PARP8: variants seen among roughly 807,000 people sequenced by gnomAD.
The protein encoded by PARP8 is poly(ADP-ribose) polymerase family member 8.
PARP8 carries 51 observed loss-of-function variants against 124.1 expected under a neutral mutation model. That is an observed-to-expected ratio of 0.41 (90% confidence interval 0.33 to 0.52). The LOEUF is 0.52. Among genes scored for constraint, PARP8 ranks in the 20% least tolerant of loss-of-function variants. The probability of loss-of-function intolerance (pLI) is 0.21; values close to 1 mark genes in which losing one functional copy is unlikely to be tolerated. For missense variants in PARP8, 860 were observed against 1,018.9 expected (o/e 0.84, Z 2.12); for synonymous variants, 391 against 361.5 (o/e 1.08, Z -0.93).
intron 7 of PARP8, among the ~76,000 whole-genome samples, chr5:50,774,604 C>T (rs539438690): frequency 7.0e-6 from 1 of 141,970 alleles, no homozygotes; most frequent in Non-Finnish European, 1.5e-5. Flanking sequence ...GACAGGGCGG[C>T]CGGGCAGAGG....
intron 12 of PARP8, 85 bp downstream of exon 12, chr5:50,795,502 AAAG>A (rs778846434): frequency 2.7e-4 from 303 of 1,112,222 alleles, no homozygotes; most frequent in Non-Finnish European, 3.6e-4. Context: ...CTGGTGGAGA[AAAG>A]AAGCAAAACT....
rs559476119 is a variant in PARP8, at chr5:50,771,615, C to A, written c.519-6454C>A. ...ATTACATAAAACCATTTAATCAGTA[C>A]AAATTTCTTCTCTGAACCCTATAAA... On this transcript the variant is annotated intron_variant, in intron 7 of 25. Transcript: ENST00000281631. 2.3e-4 allele frequency among the ~76,000 whole-genome samples: 35 copies of A among 152,176 alleles called. 1 individual carries two copies. The highest frequency in any genetic ancestry group is 1.5e-5 in the Non-Finnish European group (1 of 68,034).
intron 18 of PARP8, among the ~76,000 whole-genome samples, chr5:50,826,384 G>T (rs1386380479): frequency 6.6e-6 from 1 of 151,946 alleles, no homozygotes; most frequent in Non-Finnish European, 1.5e-5. Flanking sequence ...TGTAAGAGAG[G>T]AATAAAAGAA....
intron 2 of PARP8, among the ~76,000 whole-genome samples, chr5:50,701,522 C>CATATATTCATATA (rs1753592374): frequency 6.6e-6 from 1 of 151,990 alleles, no homozygotes; most frequent in Non-Finnish European, 1.5e-5. Context: ...TCATAAGTGG[C>CATATATTCATATA]ATGCAATATA....
chr5:50,690,603 G>A (rs950531635), intron 2 of PARP8, among the ~76,000 whole-genome samples: 4 of 152,054 alleles, frequency 2.6e-5, no homozygotes, highest in African/African-American at 9.7e-5. Flanking sequence ...TTTGCCAATG[G>A]CAGCTCAGCT....
Position 50,685,864 on chromosome 5 carries a change from A to G in PARP8, c.146+17739A>G, listed in dbSNP as rs375226361. Reference sequence around the variant, plus strand: ...AACTCCCCTCTTGAAACTTACTCTCACAAGAACAGCATGGGAAAGACCTGC... The same window carrying G: ...AACTCCCCTCTTGAAACTTACTCTCGCAAGAACAGCATGGGAAAGACCTGC... On this transcript the variant is annotated intron_variant, in intron 2 of 25. Coordinates refer to ENST00000281631, the MANE Select transcript of PARP8 (RefSeq NM_024615.4). 4.3e-4 allele frequency among the ~76,000 whole-genome samples: 65 copies of G among 152,278 alleles called. 3 individuals carry two copies. The South Asian group carries it at 0.013, about 30-fold the overall frequency.
At chr5:50,786,047 CTT>C (rs1022920251) in intron 9 of PARP8, among the ~76,000 whole-genome samples, 6 of 152,032 alleles carry the variant, frequency 3.9e-5, no homozygotes, top group African/African-American at 7.2e-5. Flanking sequence ...AAATATTTCT[CTT>C]GTCTTAAAAA....
intron 3 of PARP8, among the ~76,000 whole-genome samples, chr5:50,750,965 G>A (rs924019272): frequency 2.0e-5 from 3 of 152,104 alleles, no homozygotes; most frequent in Admixed American, 1.3e-4. Flanking sequence ...CTGTCTGATA[G>A]TGTAGCATGT....
intron 2 of PARP8, among the ~76,000 whole-genome samples, chr5:50,725,063 TTGTG>T (rs1013079005): frequency 1.1e-5 from 1 of 92,356 alleles, no homozygotes; most frequent in African/African-American, 4.4e-5. Context: ...TAGTATTCCA[TTGTG>T]TGTGTATGTG....
At chr5:50,810,006 A>T (rs1204699317) in intron 14 of PARP8, among the ~76,000 whole-genome samples, 1 of 152,018 alleles carries the variant, frequency 6.6e-6, no homozygotes, top group Non-Finnish European at 1.5e-5. Flanking sequence ...ACATTTTTTG[A>T]AACATGTTTT....
intron 2 of PARP8, among the ~76,000 whole-genome samples, chr5:50,726,596 G>A (rs950389712): frequency 2.6e-5 from 4 of 152,182 alleles, no homozygotes; most frequent in African/African-American, 9.7e-5. Flanking sequence ...CTTGAGCACA[G>A]CGATGATTGA....
chr5:50,808,143 C>A (rs539996942), intron 14 of PARP8, among the ~76,000 whole-genome samples: 1 of 151,696 alleles, frequency 6.6e-6, no homozygotes, highest in Non-Finnish European at 1.5e-5. Context: ...AGGTCTCAGT[C>A]GATAAAGATT....
chr5:50,830,960 A>G (rs987432726), intron 22 of PARP8, among the ~76,000 whole-genome samples: 2 of 152,160 alleles, frequency 1.3e-5, no homozygotes, highest in Admixed American at 6.6e-5. Context: ...TCTGATAACC[A>G]GGTGAACATT....
At chr5:50,786,535 T>C (rs1479122357) in intron 9 of PARP8, among the ~76,000 whole-genome samples, 1 of 151,708 alleles carries the variant, frequency 6.6e-6, no homozygotes, top group Admixed American at 6.6e-5. Flanking sequence ...TGGCTAATTT[T>C]TTTTTTTTTT....
chr5:50,723,468 A>G (rs1318713745), intron 2 of PARP8, among the ~76,000 whole-genome samples: 1 of 152,098 alleles, frequency 6.6e-6, no homozygotes, highest in East Asian at 1.9e-4. Flanking sequence ...AAAGATGAGA[A>G]GAGGCCTTTC....
chr5:50,782,819 A>T (rs1425432800), intron 9 of PARP8, among the ~76,000 whole-genome samples: 2 of 152,178 alleles, frequency 1.3e-5, no homozygotes, highest in Non-Finnish European at 2.9e-5. Context: ...AAAAATAAAC[A>T]TAAGGCATTA....
At chr5:50,689,267 A>G (rs894428691) in intron 2 of PARP8, among the ~76,000 whole-genome samples, 12 of 152,118 alleles carry the variant, frequency 7.9e-5, no homozygotes, top group Non-Finnish European at 1.3e-4. Context: ...CTTGGCCAAC[A>G]TGGAAGTTTT....
In PARP8 at chr5:50,845,539, A is replaced by C. The variant is rs1441676687; in HGVS notation, c.*3471A>C. The C allele has an allele frequency of 6.6e-6, 1 of 151,806 alleles. No homozygotes were observed. Among genetic ancestry groups the C allele is most frequent in the Non-Finnish European group, 1.5e-5 (1 of 67,808 alleles). The allele number at this position is 151,806 out of a possible 1,614,324, so 9.4% of individuals were successfully genotyped here. ...AAATTGGGTTTTCAATGTCAGGAAC[A>C]AATAAAATTTTGCAAATAGAAGTCA... is the stretch of plus-strand genomic sequence containing the variant. On this transcript the variant is annotated 3_prime_UTR_variant, in exon 26 of 26. Transcript: ENST00000281631.
chr5:50,731,407 G>A (rs1230934932), intron 2 of PARP8, among the ~76,000 whole-genome samples: 1 of 152,164 alleles, frequency 6.6e-6, no homozygotes, highest in African/African-American at 2.4e-5. Flanking sequence ...ATGTAAAATA[G>A]GAAATTCATA....
Sources: gnomAD v4.1 joint callset for allele counts (sites outside exome capture counted in the v4.1 genomes callset) on GRCh38, gnomAD v4.1.1 for gene constraint, MANE v1.5 for transcripts, NCBI Gene and HGNC (gene_info 2026-07-23, HGNC 2026-07-21) for gene names.